Variants in MBD5 observed in about 807,000 individuals in gnomAD.
MBD5 encodes methyl-CpG binding domain protein 5.
In MBD5, 13 loss-of-function variants were observed where a neutral mutation model predicts 117.3. That is an observed-to-expected ratio of 0.11 (90% CI 0.07 to 0.18). The LOEUF is 0.18. Ranked by LOEUF, MBD5 falls within the 10% of genes least tolerant of loss-of-function variation. The pLI, the probability that MBD5 is intolerant of heterozygous loss-of-function variation, is 1.00. For missense variants in MBD5, 1,879 were observed against 2,093.8 expected, an observed-to-expected ratio of 0.90 and a Z score of 2.00; for synonymous variants, 727 against 766.4, an observed-to-expected ratio of 0.95 and a Z score of 0.85.
At chr2:148,282,430 C>G (rs1452522463) in intron 3 of MBD5, among the ~76,000 whole-genome samples, 1 of 152,102 alleles carries the variant, frequency 6.6e-6, no homozygotes, top group African/African-American at 2.4e-5. Flanking sequence ...CTGCATGACT[C>G]ATCTTTTCAA....
chr2:148,136,694 C>T (rs577049402), intron 1 of MBD5, among the ~76,000 whole-genome samples: 1 of 152,194 alleles, frequency 6.6e-6, no homozygotes, highest in South Asian at 2.1e-4. Context: ...CTAAATTAGG[C>T]AGTAGCTGGC....
chr2:148,504,407 C>T (rs937721333), intron 12 of MBD5, among the ~76,000 whole-genome samples: 2 of 152,126 alleles, frequency 1.3e-5, no homozygotes, highest in Admixed American at 6.6e-5. Context: ...TTTGCAGATG[C>T]GGACACTCAG....
chr2:148,093,453 G>A (rs72868758), intron 1 of MBD5, among the ~76,000 whole-genome samples: 2 of 152,222 alleles, frequency 1.3e-5, no homozygotes, highest in Non-Finnish European at 2.9e-5. Flanking sequence ...TGTCTGATGA[G>A]GCAGGTTTTT....
At chr2:148,356,097 T>G (rs956190048) in intron 4 of MBD5, among the ~76,000 whole-genome samples, 3 of 152,174 alleles carry the variant, frequency 2.0e-5, no homozygotes, top group South Asian at 2.1e-4. Context: ...GAATTAGAGT[T>G]TGCTCATGAT....
intron 4 of MBD5, among the ~76,000 whole-genome samples, chr2:148,365,318 T>A (rs1182200242): frequency 6.6e-6 from 1 of 152,012 alleles, no homozygotes; most frequent in Non-Finnish European, 1.5e-5. Context: ...CATACCAGAA[T>A]CTCTGAGACA....
intron 3 of MBD5, among the ~76,000 whole-genome samples, chr2:148,315,882 A>G (rs1349247954): frequency 6.6e-6 from 1 of 152,226 alleles, no homozygotes; most frequent in African/African-American, 2.4e-5. Flanking sequence ...CCGTTCTCAC[A>G]TAACTGTAAA....
chr2:148,261,083 T>C (rs1700720322), intron 3 of MBD5, among the ~76,000 whole-genome samples: 1 of 152,212 alleles, frequency 6.6e-6, no homozygotes, highest in African/African-American at 2.4e-5. Context: ...AGATGTGCTA[T>C]CCTCTAGGCT....
At chr2:148,290,825 G>A (rs139651994) in intron 3 of MBD5, among the ~76,000 whole-genome samples, 9 of 152,142 alleles carry the variant, frequency 5.9e-5, no homozygotes, top group Admixed American at 1.3e-4. Flanking sequence ...AAATATTTGT[G>A]CACAAGTTTT....
intron 1 of MBD5, among the ~76,000 whole-genome samples, chr2:148,096,648 AAG>A (rs1164782504): frequency 6.6e-6 from 1 of 152,134 alleles, no homozygotes; most frequent in African/African-American, 2.4e-5. Context: ...GGAAAAAAAT[AAG>A]AGAGAGAAAG....
intron 4 of MBD5, among the ~76,000 whole-genome samples, chr2:148,369,121 G>A (rs979405734): frequency 4.0e-5 from 6 of 151,816 alleles, no homozygotes; most frequent in Non-Finnish European, 8.8e-5. Context: ...AATTCAACAT[G>A]TGGTAAAAAT....
chr2:148,512,621 T>C (rs977893150), intron 13 of MBD5, among the ~76,000 whole-genome samples: 1 of 152,230 alleles, frequency 6.6e-6, no homozygotes, highest in Non-Finnish European at 1.5e-5. Flanking sequence ...TCCTTTGTTT[T>C]CCACTGTCTA....
intron 1 of MBD5, among the ~76,000 whole-genome samples, chr2:148,057,559 C>T (rs556185355): frequency 3.3e-5 from 5 of 151,550 alleles, no homozygotes; most frequent in Non-Finnish European, 7.4e-5. Flanking sequence ...GCATTGTGGT[C>T]ATGGAATGTG....
chr2:148,261,613 A>C (rs1243191795), intron 3 of MBD5, among the ~76,000 whole-genome samples: 1 of 152,198 alleles, frequency 6.6e-6, no homozygotes, highest in African/African-American at 2.4e-5. Context: ...AGACCACTAA[A>C]ACTGTTTATC....
At chr2:148,386,485 G>A (rs1179897934) in intron 4 of MBD5, among the ~76,000 whole-genome samples, 1 of 151,914 alleles carries the variant, frequency 6.6e-6, no homozygotes, top group Non-Finnish European at 1.5e-5. Context: ...TTGGGAGGCC[G>A]AGGCGGGCGG....
intron 4 of MBD5, among the ~76,000 whole-genome samples, chr2:148,377,805 A>G (rs1055348117): frequency 6.6e-6 from 1 of 152,198 alleles, no homozygotes; most frequent in African/African-American, 2.4e-5. Flanking sequence ...CTTTGAGGGT[A>G]TCCTCGACAA....
chr2:148,383,672 G>A (rs1281338467), intron 4 of MBD5, among the ~76,000 whole-genome samples: 9 of 151,638 alleles, frequency 5.9e-5, no homozygotes. Flanking sequence ...GAGAATTTTA[G>A]ACCAATATCC....
At chr2:148,081,874 T>C (rs1296502556) in intron 1 of MBD5, among the ~76,000 whole-genome samples, 1 of 152,184 alleles carries the variant, frequency 6.6e-6, no homozygotes, top group African/African-American at 2.4e-5. Flanking sequence ...CAGAATCATA[T>C]AAAAGAGCAG....
chr2:148,261,294 G>A (rs1700726318), intron 3 of MBD5, among the ~76,000 whole-genome samples: 1 of 152,162 alleles, frequency 6.6e-6, no homozygotes, highest in East Asian at 1.9e-4. Context: ...GTCCTAAATG[G>A]CATCTTCTAA....
intron 2 of MBD5, among the ~76,000 whole-genome samples, chr2:148,230,068 C>T (rs1016960516): frequency 6.6e-6 from 1 of 152,208 alleles, no homozygotes; most frequent in African/African-American, 2.4e-5. Flanking sequence ...CCTGTGTTCA[C>T]TCAAGGCTTT....
Sources: allele counts gnomAD v4.1 joint callset (sites outside exome capture counted in the v4.1 genomes callset), GRCh38; gene constraint gnomAD v4.1.1; transcripts MANE v1.5; gene names NCBI Gene and HGNC (gene_info 2026-07-23, HGNC 2026-07-21).